NDUFAF6: variants seen among roughly 807,000 people sequenced by gnomAD.
NDUFAF6 encodes NADH:ubiquinone oxidoreductase complex assembly factor 6, also known as NADH dehydrogenase (ubiquinone) complex I, assembly factor 6.
A neutral mutation model predicts 40.8 loss-of-function variants in NDUFAF6; 45 were observed. The ratio of observed to expected loss-of-function variants is 1.10; its 90% CI spans 0.87 to 1.42. NDUFAF6 has a LOEUF of 1.42. Ranked by LOEUF, NDUFAF6 falls within the 40% of genes most tolerant of loss-of-function variation. The pLI is 0.00. For missense variants in NDUFAF6, 435 were observed against 418.5 expected, an observed-to-expected ratio of 1.04 and a Z score of -0.34; for synonymous variants, 185 against 155.9, an observed-to-expected ratio of 1.19 and a Z score of -1.39.
Position 95,081,240 on chromosome 8 carries a change from C to G in NDUFAF6, n.213+5488C>G, listed in dbSNP as rs1455095078. Among the ~76,000 whole-genome samples the G allele has an allele frequency of 3.5e-5, 5 of 144,032 alleles. No homozygotes were observed. In the East Asian group the frequency reaches 6.0e-4, roughly 17 times the overall value. The allele number at this position is 144,032 out of a possible 152,430, so 94.5% of individuals were successfully genotyped here. On this transcript the variant is annotated intron_variant and non_coding_transcript_variant, in intron 2 of 5. Coordinates refer to the NDUFAF6 transcript ENST00000523184. ...AGTGCAGTGGTGCGATCTCAGCTCA[C>G]TATAACCTCTGCCTCCCAAGTTCAA... is the stretch of plus-strand genomic sequence containing the variant.
intron 2 of NDUFAF6, among the ~76,000 whole-genome samples, chr8:95,010,335 C>A (rs1227102249): frequency 6.6e-6 from 1 of 152,126 alleles, no homozygotes; most frequent in Non-Finnish European, 1.5e-5. Context: ...GTGGAGGAGG[C>A]CTCGGCCTCC....
chr8:95,089,078 T>A (rs1424940574), intron 2 of NDUFAF6, among the ~76,000 whole-genome samples: 1 of 151,876 alleles, frequency 6.6e-6, no homozygotes, highest in Non-Finnish European at 1.5e-5. Flanking sequence ...TTCTTTTTTT[T>A]GAGACAAGGT....
chr8:94,917,085 T>A (rs1819186217), intron 1 of NDUFAF6, among the ~76,000 whole-genome samples: 1 of 131,978 alleles, frequency 7.6e-6, no homozygotes. Context: ...CACTCCAGCC[T>A]GGGTGACAGA....
intron 9 of NDUFAF6, among the ~76,000 whole-genome samples, chr8:95,070,415 G>T (rs1054957001): frequency 2.0e-5 from 3 of 152,028 alleles, no homozygotes; most frequent in Admixed American, 6.6e-5. Flanking sequence ...AGAAAACCAG[G>T]TCACTAGATT....
intron 9 of NDUFAF6, among the ~76,000 whole-genome samples, chr8:95,066,024 T>C (rs886199547): frequency 6.6e-6 from 1 of 152,242 alleles, no homozygotes; most frequent in Non-Finnish European, 1.5e-5. Flanking sequence ...CATCCACAGA[T>C]GGTTGTCCAC....
chr8:95,078,704 A>T (rs1450788115), downstream of NDUFAF6: 1 of 148,560 alleles, frequency 6.7e-6, no homozygotes, highest in East Asian at 2.0e-4. Flanking sequence ...CACCTATTCA[A>T]GCCTTCCCCT....
At chr8:94,906,501 C>G (rs1250081055) in intron 1 of NDUFAF6, among the ~76,000 whole-genome samples, 1 of 152,182 alleles carries the variant, frequency 6.6e-6, no homozygotes, top group Non-Finnish European at 1.5e-5. Flanking sequence ...TTTCCCTTGG[C>G]AACAGGGATT....
upstream of NDUFAF6, among the ~76,000 whole-genome samples, chr8:95,096,996 C>T (rs1809484563): frequency 6.6e-6 from 1 of 152,198 alleles, no homozygotes; most frequent in Admixed American, 6.5e-5. Context: ...AGCTCATCAG[C>T]AGCAATACTG....
chr8:94,949,424 C>T (rs1199918618), intron 2 of NDUFAF6: 3 of 151,566 alleles, frequency 2.0e-5, no homozygotes, highest in Non-Finnish European at 4.4e-5. Context: ...CTGCCCCGCC[C>T]CGGGCCGCGC....
intron 1 of NDUFAF6, among the ~76,000 whole-genome samples, chr8:94,898,136 CCT>C (rs770642889): frequency 9.9e-5 from 15 of 152,144 alleles, no homozygotes; most frequent in South Asian, 2.1e-4. Context: ...CACAGTTTCC[CCT>C]GTTATTGACA....
rs1443358804 is a variant in NDUFAF6 at position 94,914,166 on chromosome 8, C to T, written c.-936+18239C>T. ...CTTAAGACAGGCACATCAGGGTCTT[C>T]ACTGTCAATGTGGAATATTTATTTG... On this transcript the variant is annotated intron_variant, in intron 1 of 14. Coordinates refer to the NDUFAF6 transcript ENST00000396113. Among the ~76,000 whole-genome samples, 3 of 129,852 alleles carry T rather than the reference C, an allele frequency of 2.3e-5. No individual in the cohort carries two copies. The Admixed American group carries it at 2.6e-4, about 11-fold the overall frequency. The allele number at this position is 129,852 out of a possible 152,430, so 85.2% of individuals were successfully genotyped here.
intron 2 of NDUFAF6, 33 bp from the exon 3 acceptor site, chr8:95,035,419 ATG>A (rs1829379350): frequency 3.1e-6 from 5 of 1,611,640 alleles, no homozygotes; most frequent in Non-Finnish European, 4.2e-6. Context: ...ACAGTAGACA[ATG>A]CATTTGCTAA....
downstream of NDUFAF6, among the ~76,000 whole-genome samples, chr8:95,059,764 A>G (rs565382781): frequency 6.6e-6 from 1 of 152,218 alleles, no homozygotes; most frequent in South Asian, 2.1e-4. Context: ...CAGGAGAATC[A>G]CATGAACCTG....
upstream of NDUFAF6, among the ~76,000 whole-genome samples, chr8:95,098,813 C>A (rs1249048454): frequency 6.8e-6 from 1 of 147,956 alleles, no homozygotes; most frequent in Admixed American, 6.7e-5. Context: ...TCCCAGCTAC[C>A]CGGCAGGCTG....
chr8:94,904,281 C>CT (rs1818227915), intron 1 of NDUFAF6, among the ~76,000 whole-genome samples: 3 of 136,862 alleles, frequency 2.2e-5, no homozygotes, highest in African/African-American at 8.3e-5. Flanking sequence ...GTAGCTGGGA[C>CT]TACAGGCACC....
At chr8:95,095,172 T>G (rs745332840) in intron 2 of NDUFAF6, among the ~76,000 whole-genome samples, 2 of 151,948 alleles carry the variant, frequency 1.3e-5, no homozygotes, top group Non-Finnish European at 2.9e-5. Flanking sequence ...TAGATTTGGG[T>G]TTGACCCATG....
In NDUFAF6 at chr8:94,935,804, G is replaced by A. The variant is rs145350183; in HGVS notation, c.-935-9679G>A. Among the ~76,000 whole-genome samples the A allele has an allele frequency of 2.8e-3, 432 of 152,296 alleles. 3 individuals carry two copies. The highest frequency in any genetic ancestry group is 9.8e-3 in the African/African-American group (406 of 41,564). ...GTTAGGATGTTTAAGTGAGCTTTAC[G>A]TAAAGAAGTTATATCCCCTTTACCT... On this transcript the variant is annotated intron_variant, in intron 1 of 14. Transcript: ENST00000396113.
At chr8:94,914,126 T>C (rs111648010) in intron 1 of NDUFAF6, among the ~76,000 whole-genome samples, 58 of 148,444 alleles carry the variant, frequency 3.9e-4, no homozygotes, top group African/African-American at 1.2e-3. Flanking sequence ...TTTTTTTTTT[T>C]CAGTGGTTTC....
At chr8:95,037,953 G>A (rs1480417930) in intron 3 of NDUFAF6, among the ~76,000 whole-genome samples, 1 of 152,104 alleles carries the variant, frequency 6.6e-6, no homozygotes, top group African/African-American at 2.4e-5. Context: ...GTGCAAACAT[G>A]GCTCACTGCA....
Sources: gnomAD v4.1 joint callset for allele counts (sites outside exome capture counted in the v4.1 genomes callset) on GRCh38, gnomAD v4.1.1 for gene constraint, MANE v1.5 for transcripts, NCBI Gene and HGNC (gene_info 2026-07-23, HGNC 2026-07-21) for gene names.